The following CCDC91 variants were observed in gnomAD, a reference collection of about 807,000 sequenced individuals.
CCDC91 encodes coiled-coil domain-containing protein 91.
In CCDC91, 48 loss-of-function variants were observed where a neutral mutation model predicts 63.2. That is an observed-to-expected ratio of 0.76 (90% CI 0.60 to 0.97). The LOEUF is 0.97. Ranked by LOEUF, CCDC91 falls within the 50% of genes least tolerant of loss-of-function variation. The pLI is 0.00. For synonymous variants in CCDC91, 167 were observed against 165.8 expected, an observed-to-expected ratio of 1.01 and a Z score of -0.06; for missense variants, 500 against 494.6, an observed-to-expected ratio of 1.01 and a Z score of -0.10.
chr12:28,383,563 A>G (rs1030007375), intron 7 of CCDC91, among the ~76,000 whole-genome samples: 1 of 152,096 alleles, frequency 6.6e-6, no homozygotes, highest in African/African-American at 2.4e-5. Flanking sequence ...CCAAAGGTTG[A>G]GTTCACAGAG....
At chr12:28,486,587 G>C (rs969395608) in intron 12 of CCDC91, among the ~76,000 whole-genome samples, 18 of 151,918 alleles carry the variant, frequency 1.2e-4, no homozygotes, top group Non-Finnish European at 2.4e-4. Flanking sequence ...TTTGTCAAAG[G>C]GAGTTATGTG....
chr12:28,404,714 T>C (rs1946828928), intron 8 of CCDC91, among the ~76,000 whole-genome samples: 2 of 152,114 alleles, frequency 1.3e-5, no homozygotes. Flanking sequence ...CATGTTTTCT[T>C]GGAGAATCAA....
At chr12:28,516,141 A>G (rs1416215997) in intron 12 of CCDC91, among the ~76,000 whole-genome samples, 1 of 151,922 alleles carries the variant, frequency 6.6e-6, no homozygotes, top group Non-Finnish European at 1.5e-5. Flanking sequence ...AAAGCCTTCA[A>G]GAGCAGACAG....
At chr12:28,405,966 A>T (rs1400504067) in intron 8 of CCDC91, among the ~76,000 whole-genome samples, 1 of 152,188 alleles carries the variant, frequency 6.6e-6, no homozygotes, top group Admixed American at 6.5e-5. Context: ...CTGCAAAATA[A>T]GAGTATGTCA....
At chr12:28,287,620 A>C (rs922197766) in intron 3 of CCDC91, among the ~76,000 whole-genome samples, 1 of 152,128 alleles carries the variant, frequency 6.6e-6, no homozygotes, top group Non-Finnish European at 1.5e-5. Flanking sequence ...GTCCTCCTGT[A>C]GTACAATTTG....
intron 6 of CCDC91, among the ~76,000 whole-genome samples, chr12:28,335,562 C>T (rs1941912883): frequency 1.3e-5 from 2 of 150,956 alleles, no homozygotes; most frequent in South Asian, 4.2e-4. Flanking sequence ...TGCATGCCAC[C>T]GTGCCCGTCT....
At chr12:28,465,859 G>T (rs1336910865) in intron 11 of CCDC91, among the ~76,000 whole-genome samples, 2 of 152,124 alleles carry the variant, frequency 1.3e-5, no homozygotes, top group Non-Finnish European at 2.9e-5. Flanking sequence ...GAGATACAGA[G>T]ATATATGACC....
intron 3 of CCDC91, among the ~76,000 whole-genome samples, chr12:28,294,452 C>T (rs1042271778): frequency 1.3e-5 from 2 of 152,232 alleles, no homozygotes; most frequent in Non-Finnish European, 1.5e-5. Context: ...AAGTGTCGCC[C>T]TTCCCCTTCT....
chr12:28,515,226 C>A (rs1398030313), intron 12 of CCDC91, among the ~76,000 whole-genome samples: 1 of 151,770 alleles, frequency 6.6e-6, no homozygotes, highest in African/African-American at 2.4e-5. Flanking sequence ...GGGACTTCGG[C>A]AGGGAAAAAT....
chr12:28,486,278 A>G (rs1414752032), intron 12 of CCDC91, among the ~76,000 whole-genome samples: 20 of 152,274 alleles, frequency 1.3e-4, no homozygotes, highest in South Asian at 2.1e-4. Flanking sequence ...TAATGCCCTC[A>G]AGGATCATCC....
intron 3 of CCDC91, among the ~76,000 whole-genome samples, chr12:28,286,864 A>T (rs1403213833): frequency 1.3e-5 from 2 of 152,114 alleles, no homozygotes; most frequent in African/African-American, 2.4e-5. Flanking sequence ...TCTGCAACCT[A>T]GCCAGCATCT....
intron 6 of CCDC91, among the ~76,000 whole-genome samples, chr12:28,356,902 T>C (rs1221207433): frequency 6.6e-6 from 1 of 152,164 alleles, no homozygotes; most frequent in Non-Finnish European, 1.5e-5. Flanking sequence ...TGGAATTTCT[T>C]TATCTTTTTA....
At chr12:28,504,803 G>C (rs1355044364) in intron 12 of CCDC91, among the ~76,000 whole-genome samples, 1 of 151,928 alleles carries the variant, frequency 6.6e-6, no homozygotes, top group East Asian at 1.9e-4. Flanking sequence ...AGAAAAAAAT[G>C]CCGTGTCTGG....
intron 1 of CCDC91, among the ~76,000 whole-genome samples, chr12:28,202,077 CT>C (rs1565604305): frequency 6.6e-6 from 1 of 152,178 alleles, no homozygotes; most frequent in Non-Finnish European, 1.5e-5. Flanking sequence ...AATTATTATA[CT>C]TTTTAATTCC....
At chr12:28,458,455 CTT>C (rs60083355) in intron 11 of CCDC91, among the ~76,000 whole-genome samples, 76 of 45,774 alleles carry the variant, frequency 1.7e-3, no homozygotes, top group Admixed American at 4.0e-3. Context: ...ATTTGCACAC[CTT>C]TTTTTTTTTT....
chr12:28,205,212 A>G (rs1439225411), intron 1 of CCDC91, among the ~76,000 whole-genome samples: 1 of 152,082 alleles, frequency 6.6e-6, no homozygotes, highest in African/African-American at 2.4e-5. Flanking sequence ...GAGAATGAAG[A>G]GGGAAAGGCG....
intron 6 of CCDC91, among the ~76,000 whole-genome samples, chr12:28,359,842 G>A (rs1289103837): frequency 2.0e-5 from 3 of 152,036 alleles, no homozygotes; most frequent in Admixed American, 6.5e-5. Flanking sequence ...TTAGTATATG[G>A]GTTGGTGCTT....
chr12:28,481,600 A>G (rs1478454181), intron 11 of CCDC91, among the ~76,000 whole-genome samples: 10 of 152,058 alleles, frequency 6.6e-5, no homozygotes, highest in Admixed American at 2.6e-4. Context: ...ATACATGCAA[A>G]CAAAATTTAT....
intron 6 of CCDC91, among the ~76,000 whole-genome samples, chr12:28,339,792 G>A (rs563671500): frequency 2.0e-5 from 3 of 152,050 alleles, no homozygotes; most frequent in African/African-American, 4.8e-5. Context: ...GCCCAACCAC[G>A]GACTTGAGCT....
Sources: allele counts gnomAD v4.1 joint callset (sites outside exome capture counted in the v4.1 genomes callset), GRCh38; gene constraint gnomAD v4.1.1; transcripts MANE v1.5; gene names NCBI Gene and HGNC (gene_info 2026-07-23, HGNC 2026-07-21).